The following RAB27B variants were observed in gnomAD, a reference collection of about 807,000 sequenced individuals.
RAB27B encodes ras-related protein Rab-27B.
Under a neutral mutation model 24.6 loss-of-function variants are expected in RAB27B, and 15 were observed. The observed-to-expected ratio is 0.61, with a 90% CI of 0.41 to 0.94. The LOEUF (loss-of-function observed/expected upper bound fraction) is 0.94, where lower values mean the gene tolerates loss of function less well. Among genes scored for constraint, RAB27B ranks in the 40% least tolerant of loss-of-function variants. The probability of loss-of-function intolerance (pLI) is 0.00; values close to 1 mark genes in which losing one functional copy is unlikely to be tolerated. For missense variants in RAB27B, 261 were observed against 266.8 expected (o/e 0.98, Z 0.15); for synonymous variants, 105 against 92.5 (o/e 1.14, Z -0.78).
chr18:54,780,890 A>G (rs994735620), intron 2 of RAB27B, among the ~76,000 whole-genome samples: 7 of 152,218 alleles, frequency 4.6e-5, no homozygotes, highest in Admixed American at 3.3e-4. Flanking sequence ...TGAGCTTTGT[A>G]CTGGGAGTAG....
intron 2 of RAB27B, among the ~76,000 whole-genome samples, chr18:54,799,529 A>G (rs2145126512): frequency 6.6e-6 from 1 of 151,810 alleles, no homozygotes; most frequent in African/African-American, 2.4e-5. Context: ...GTTTTTTAAA[A>G]AACAATGGTT....
At chr18:54,750,527 G>T (rs1907798983) in intron 2 of RAB27B, among the ~76,000 whole-genome samples, 1 of 151,440 alleles carries the variant, frequency 6.6e-6, no homozygotes. Flanking sequence ...GCCTTTGACA[G>T]CTCTCCCAGA....
chr18:54,753,015 C>G (rs1042528915), intron 2 of RAB27B, among the ~76,000 whole-genome samples: 1 of 152,058 alleles, frequency 6.6e-6, no homozygotes, highest in African/African-American at 2.4e-5. Context: ...AGATGGAGGG[C>G]AGTGCTAGTG....
At chr18:54,846,426 G>A (rs1260201707) in intron 1 of RAB27B, among the ~76,000 whole-genome samples, 1 of 152,138 alleles carries the variant, frequency 6.6e-6, no homozygotes, top group Non-Finnish European at 1.5e-5. Context: ...TATAACTCCT[G>A]TGAATAACAA....
intron 1 of RAB27B, among the ~76,000 whole-genome samples, chr18:54,848,976 A>G (rs976031369): frequency 6.6e-6 from 1 of 152,244 alleles, no homozygotes; most frequent in Non-Finnish European, 1.5e-5. Context: ...AAACACTGCA[A>G]TAGAAAGACA....
At chr18:54,773,799 C>G (rs539158599) in intron 2 of RAB27B, among the ~76,000 whole-genome samples, 1 of 151,918 alleles carries the variant, frequency 6.6e-6, no homozygotes, top group Non-Finnish European at 1.5e-5. Flanking sequence ...CTCAGCCTCC[C>G]GAGTAGCTGG....
intron 2 of RAB27B, among the ~76,000 whole-genome samples, chr18:54,737,768 G>A (rs1413338500): frequency 6.6e-6 from 1 of 152,090 alleles, no homozygotes; most frequent in African/African-American, 2.4e-5. Flanking sequence ...CACTTCAAAT[G>A]GATGTGACCA....
At chr18:54,792,786 C>G (rs373837414) in intron 2 of RAB27B, among the ~76,000 whole-genome samples, 1 of 152,240 alleles carries the variant, frequency 6.6e-6, no homozygotes, top group East Asian at 1.9e-4. Context: ...TTACAAATTT[C>G]TAACAAAAAG....
intron 1 of RAB27B, among the ~76,000 whole-genome samples, chr18:54,847,014 C>T (rs984329428): frequency 2.0e-5 from 3 of 152,038 alleles, no homozygotes; most frequent in Non-Finnish European, 2.9e-5. Context: ...CCACACATGG[C>T]TAATTTTTGT....
intron 1 of RAB27B, among the ~76,000 whole-genome samples, chr18:54,861,491 A>C (rs1312945232): frequency 6.6e-6 from 1 of 152,142 alleles, no homozygotes; most frequent in East Asian, 1.9e-4. Context: ...CCATTGAATC[A>C]GGCGCCTATG....
chr18:54,882,510 A>G (rs764545922), intron 3 of RAB27B, among the ~76,000 whole-genome samples: 11 of 152,240 alleles, frequency 7.2e-5, no homozygotes, highest in Non-Finnish European at 1.5e-4. Flanking sequence ...AGGAGCGCAT[A>G]GCCCACATGC....
At chr18:54,802,265 GGTT>G (rs1474814869) in intron 2 of RAB27B, among the ~76,000 whole-genome samples, 3 of 152,168 alleles carry the variant, frequency 2.0e-5, no homozygotes, top group Non-Finnish European at 4.4e-5. Context: ...AGGACACAGA[GGTT>G]GTACTCCTGA....
intron 2 of RAB27B, among the ~76,000 whole-genome samples, chr18:54,801,014 T>G (rs1338079431): frequency 2.1e-5 from 3 of 143,196 alleles, no homozygotes; most frequent in African/African-American, 7.7e-5. Flanking sequence ...CTGTGTTTTT[T>G]TTTTTTTTTT....
At chr18:54,719,677 T>C (rs2144968408) in intron 2 of RAB27B, among the ~76,000 whole-genome samples, 1 of 152,190 alleles carries the variant, frequency 6.6e-6, no homozygotes, top group South Asian at 2.1e-4. Context: ...TTTTTAAACC[T>C]ATTTTTGCAT....
chr18:54,793,116 T>C (rs2024508), intron 2 of RAB27B, among the ~76,000 whole-genome samples: 3,052 of 152,208 alleles, frequency 0.02, 110 homozygotes, highest in African/African-American at 0.069. Context: ...TTTTTAATTA[T>C]TGACAGCAAC....
At chr18:54,850,404 CTCTGTCACCCAGCCTGGAGTGCAATGG>C in intron 1 of RAB27B, among the ~76,000 whole-genome samples, 1 of 139,970 alleles carries the variant, frequency 7.1e-6, no homozygotes, top group Non-Finnish European at 1.5e-5. Context: ...CAGAGTCTCA[CTCTGTCACCCAGCCTGGAGTGCAATGG>C]TGCAATCTCG....
intron 1 of RAB27B, among the ~76,000 whole-genome samples, chr18:54,838,126 T>C (rs972787341): frequency 6.6e-6 from 1 of 152,184 alleles, no homozygotes; most frequent in Non-Finnish European, 1.5e-5. Context: ...AGCTTTGTTC[T>C]AGCTCTGCTG....
At chr18:54,866,949 T>C (rs1488413542) in intron 1 of RAB27B, among the ~76,000 whole-genome samples, 1 of 152,102 alleles carries the variant, frequency 6.6e-6, no homozygotes, top group African/African-American at 2.4e-5. Context: ...GAAACAGTCC[T>C]TCATCCCCAA....
intron 2 of RAB27B, among the ~76,000 whole-genome samples, chr18:54,750,416 C>T (rs937520711): frequency 6.6e-6 from 1 of 152,088 alleles, no homozygotes; most frequent in Admixed American, 6.6e-5. Context: ...ATTGGACCTT[C>T]CTTCCTTCTT....
Sources: gnomAD v4.1 joint callset for allele counts (sites outside exome capture counted in the v4.1 genomes callset) on GRCh38, gnomAD v4.1.1 for gene constraint, MANE v1.5 for transcripts, NCBI Gene and HGNC (gene_info 2026-07-23, HGNC 2026-07-21) for gene names.